The following SLC2A13 variants were observed in gnomAD, a reference collection of about 807,000 sequenced individuals.
The protein encoded by SLC2A13 is proton myo-inositol cotransporter.
In SLC2A13, 32 loss-of-function variants were observed where a neutral mutation model predicts 64.4. That is an observed-to-expected ratio of 0.50 (90% CI 0.37 to 0.67). SLC2A13 has a LOEUF of 0.67. Among genes scored for constraint, SLC2A13 ranks in the 30% least tolerant of loss-of-function variants. The pLI, the probability that SLC2A13 is intolerant of heterozygous loss-of-function variation, is 0.00. For synonymous variants in SLC2A13, 338 were observed against 327.1 expected (o/e 1.03, Z -0.36); for missense variants, 743 against 829.2 (o/e 0.90, Z 1.28).
chr12:39,926,727 T>C (rs1282424903), intron 4 of SLC2A13, among the ~76,000 whole-genome samples: 1 of 152,172 alleles, frequency 6.6e-6, no homozygotes, highest in Non-Finnish European at 1.5e-5. Flanking sequence ...GAGATCCTCC[T>C]ACCTCAGCCT....
intron 2 of SLC2A13, 78 bp downstream of exon 2, chr12:40,047,973 T>C: frequency 7.3e-7 from 1 of 1,363,028 alleles, no homozygotes; most frequent in Non-Finnish European, 1.0e-6. Context: ...AGCTATATTT[T>C]GACTATGATT....
intron 5 of SLC2A13, among the ~76,000 whole-genome samples, chr12:39,869,175 C>T (rs945699911): frequency 1.3e-5 from 2 of 152,110 alleles, no homozygotes; most frequent in Admixed American, 6.5e-5. Flanking sequence ...ACAACTAACA[C>T]AGAATCAGTA....
intron 4 of SLC2A13, among the ~76,000 whole-genome samples, chr12:39,934,404 G>T (rs1174756452): frequency 6.6e-6 from 1 of 152,190 alleles, no homozygotes; most frequent in Non-Finnish European, 1.5e-5. Flanking sequence ...CATAGATGAG[G>T]CCAGGTTATG....
intron 3 of SLC2A13, among the ~76,000 whole-genome samples, chr12:39,951,845 C>T (rs1351973073): frequency 6.6e-6 from 1 of 152,066 alleles, no homozygotes; most frequent in African/African-American, 2.4e-5. Context: ...TGTTATTTTA[C>T]TAAAGTTACA....
chr12:39,933,994 T>G (rs1434652220), intron 4 of SLC2A13, among the ~76,000 whole-genome samples: 1 of 152,196 alleles, frequency 6.6e-6, no homozygotes, highest in African/African-American at 2.4e-5. Flanking sequence ...CTTCTATGAC[T>G]TAGTCACATT....
intron 3 of SLC2A13, among the ~76,000 whole-genome samples, chr12:39,970,608 T>G (rs1476495034): frequency 6.6e-6 from 1 of 152,194 alleles, no homozygotes. Flanking sequence ...CCCCAAGTCC[T>G]TAGGTAATTC....
chr12:39,852,124 A>G (rs1253677558), intron 6 of SLC2A13, among the ~76,000 whole-genome samples: 1 of 152,202 alleles, frequency 6.6e-6, no homozygotes, highest in African/African-American at 2.4e-5. Flanking sequence ...TAATTATCTA[A>G]TACTGCTTGT....
chr12:40,090,115 C>T (rs1382331192), intron 1 of SLC2A13, among the ~76,000 whole-genome samples: 2 of 151,984 alleles, frequency 1.3e-5, no homozygotes, highest in Non-Finnish European at 2.9e-5. Context: ...ATGCCAAATG[C>T]TTTATATGCA....
intron 3 of SLC2A13, among the ~76,000 whole-genome samples, chr12:40,007,229 T>G (rs1405680900): frequency 1.3e-5 from 2 of 152,220 alleles, no homozygotes; most frequent in African/African-American, 4.8e-5. Flanking sequence ...GAAACAGTGA[T>G]GGAATTGCAG....
At chr12:40,072,629 G>T (rs1938006810) in intron 1 of SLC2A13, among the ~76,000 whole-genome samples, 2 of 152,098 alleles carry the variant, frequency 1.3e-5, no homozygotes, top group Non-Finnish European at 2.9e-5. Context: ...GAACTCATGT[G>T]TCTTTATCCC....
intron 3 of SLC2A13, among the ~76,000 whole-genome samples, chr12:40,002,314 C>A (rs1241391031): frequency 4.1e-4 from 62 of 152,108 alleles, no homozygotes; most frequent in African/African-American, 1.4e-3. Flanking sequence ...GTAATGTATC[C>A]AACAACAACA....
chr12:40,013,047 G>T (rs1439872302), intron 3 of SLC2A13, among the ~76,000 whole-genome samples: 7 of 152,094 alleles, frequency 4.6e-5, no homozygotes, highest in Non-Finnish European at 1.0e-4. Flanking sequence ...GACAGTAAAG[G>T]AATATGCAGT....
At chr12:39,886,373 T>C (rs150262185) in intron 4 of SLC2A13, among the ~76,000 whole-genome samples, 1 of 152,280 alleles carries the variant, frequency 6.6e-6, no homozygotes, top group Non-Finnish European at 1.5e-5. Context: ...AAAACATGCT[T>C]GCTCAATTAT....
chr12:39,809,414 G>A (rs1483923280), intron 7 of SLC2A13, among the ~76,000 whole-genome samples: 1 of 152,130 alleles, frequency 6.6e-6, no homozygotes, highest in Non-Finnish European at 1.5e-5. Flanking sequence ...TTCAGAACGA[G>A]CTTGTCATTT....
intron 6 of SLC2A13, among the ~76,000 whole-genome samples, chr12:39,847,119 T>G (rs998499828): frequency 1.3e-5 from 2 of 152,198 alleles, no homozygotes; most frequent in Non-Finnish European, 1.5e-5. Flanking sequence ...GACTTTAGAC[T>G]TCTAATGAGC....
intron 3 of SLC2A13, among the ~76,000 whole-genome samples, chr12:39,965,589 T>A (rs1190208720): frequency 6.6e-6 from 1 of 152,182 alleles, no homozygotes. Flanking sequence ...AGATGTCTAC[T>A]TATATATCCA....
In SLC2A13 at chr12:39,760,008, T is replaced by C. The variant is rs778402130; in HGVS notation, c.*18A>G. On this transcript the variant is annotated 3_prime_UTR_variant, in exon 10 of 10. Coordinates refer to ENST00000280871, the MANE Select transcript of SLC2A13 (RefSeq NM_052885.4). The stretch of plus-strand genomic sequence containing the variant: ...CCCCCAGTTTGTTTAAATAACTAAA[T>C]ATATGAGCAGCTGAAAATTATTCCA... The C allele has an allele frequency of 6.3e-7, 1 of 1,594,452 alleles. No homozygotes were observed. The highest frequency in any genetic ancestry group is 2.2e-5 in the East Asian group (1 of 44,736).
At chr12:39,900,776 T>C (rs940903176) in intron 4 of SLC2A13, among the ~76,000 whole-genome samples, 3 of 152,172 alleles carry the variant, frequency 2.0e-5, no homozygotes, top group Non-Finnish European at 4.4e-5. Flanking sequence ...AGGTAATTTA[T>C]AGATTCAATG....
intron 1 of SLC2A13, among the ~76,000 whole-genome samples, chr12:40,069,056 G>C (rs569252385): frequency 1.3e-5 from 2 of 151,860 alleles, no homozygotes; most frequent in Admixed American, 1.3e-4. Flanking sequence ...TCTCATTTGT[G>C]CTTAGCTAAT....
Sources: gnomAD v4.1 joint callset for allele counts (sites outside exome capture counted in the v4.1 genomes callset) on GRCh38, gnomAD v4.1.1 for gene constraint, MANE v1.5 for transcripts, NCBI Gene and HGNC (gene_info 2026-07-23, HGNC 2026-07-21) for gene names.